The following TGFBR2 variants were observed in gnomAD, a reference collection of about 807,000 sequenced individuals.
TGFBR2 encodes the protein transforming growth factor beta receptor 2.
A neutral mutation model predicts 49.0 loss-of-function variants in TGFBR2; 18 were observed. The observed-to-expected ratio is 0.37, with a 90% CI of 0.25 to 0.54. The LOEUF (loss-of-function observed/expected upper bound fraction) is 0.54, where lower values mean the gene tolerates loss of function less well. Among genes scored for constraint, TGFBR2 ranks in the 20% least tolerant of loss-of-function variants. The pLI, the probability that TGFBR2 is intolerant of heterozygous loss-of-function variation, is 0.85. For missense variants in TGFBR2, 525 were observed against 722.6 expected (o/e 0.73, Z 3.13); for synonymous variants, 282 against 275.9 (o/e 1.02, Z -0.22).
chr3:30,611,099 A>G (rs1238177094), intron 1 of TGFBR2, among the ~76,000 whole-genome samples: 1 of 152,226 alleles, frequency 6.6e-6, no homozygotes, highest in Non-Finnish European at 1.5e-5. Context: ...ATACCAAGCC[A>G]AAGTCATATC....
At position 30,644,862 on chromosome 3, in the gene TGFBR2, C is replaced by A. The variant is rs1405785027; in HGVS notation, c.210C>A (p.Asn70Lys). ...ACAACCAGAAATCCTGCATGAGCAA[C>A]TGCAGCATCACCTCCATCTGTGAGA... ...TCDNQKSCMS[N>K]CSITSICEKP... Residue 70 changes from asparagine to lysine, a missense_variant, in exon 2 of 7, where the codon AAC (asparagine) becomes AAA (lysine). Asn to Lys is a moderately conservative substitution (Grantham distance 94). Transcript: ENST00000295754. 1 of 1,614,166 alleles carries A rather than the reference C, an allele frequency of 6.2e-7. No homozygotes were observed. Among genetic ancestry groups the A allele is most frequent in the South Asian group, 1.1e-5 (1 of 91,090 alleles).
intron 3 of TGFBR2, among the ~76,000 whole-genome samples, chr3:30,655,815 T>G (rs1303655579): frequency 6.6e-6 from 1 of 152,196 alleles, no homozygotes; most frequent in African/African-American, 2.4e-5. Context: ...GCATCCTTTC[T>G]TACTTCTTCT....
chr3:30,622,994 A>G (rs1460834251), intron 1 of TGFBR2, among the ~76,000 whole-genome samples: 2 of 152,078 alleles, frequency 1.3e-5, no homozygotes, highest in East Asian at 3.8e-4. Context: ...TATGATTGAG[A>G]CATATGGGTG....
chr3:30,644,100 A>G (rs913539109), intron 1 of TGFBR2, among the ~76,000 whole-genome samples: 1 of 152,210 alleles, frequency 6.6e-6, no homozygotes, highest in African/African-American at 2.4e-5. Flanking sequence ...TTAGTTAATC[A>G]ATTGATTTGC....
chr3:30,635,156 G>A (rs1436219704), intron 1 of TGFBR2, among the ~76,000 whole-genome samples: 1 of 152,210 alleles, frequency 6.6e-6, no homozygotes, highest in Non-Finnish European at 1.5e-5. Flanking sequence ...AGAGCTGAAA[G>A]AGCATGATTG....
At chr3:30,617,225 G>A (rs6798904) in intron 1 of TGFBR2, among the ~76,000 whole-genome samples, 32,483 of 152,166 alleles carry the variant, frequency 0.21, 4,509 homozygotes, top group Admixed American at 0.33. Context: ...TTTTAGGCAG[G>A]GGAGTAGCTG....
chr3:30,631,330 G>A (rs1203358521), intron 1 of TGFBR2, among the ~76,000 whole-genome samples: 4 of 152,082 alleles, frequency 2.6e-5, no homozygotes, highest in Non-Finnish European at 4.4e-5. Flanking sequence ...GTGAGCCACC[G>A]TGCCAGGCCG....
chr3:30,672,117 G>A lies in TGFBR2; in HGVS notation c.934G>A (p.Glu312Lys), dbSNP rs397516841. 2 of 1,614,212 alleles carry A rather than the reference G, an allele frequency of 1.2e-6. No homozygotes were observed. Among genetic ancestry groups the A allele is most frequent in the South Asian group, 1.1e-5 (1 of 91,086 alleles). ...ENILQFLTAE[E>K]RKTELGKQYW... is the part of the protein sequence containing the mutation. ...CATACTCCAGTTCCTGACGGCTGAGGAGCGGAAGACGGAGTTGGGGAAACA... is the reference window on the plus strand; with the variant it reads ...CATACTCCAGTTCCTGACGGCTGAGAAGCGGAAGACGGAGTTGGGGAAACA... The change falls in exon 4 of 7, where the codon GAG becomes AAG. Residue 312 changes from glutamate (E) to lysine (K), a missense_variant. By Grantham distance (56) the Glu-to-Lys change is moderately conservative. Transcript: ENST00000295754. The surrounding 1 kb of genome is among the most constrained non-coding windows in gnomAD (Gnocchi z 4.5).
chr3:30,632,355 C>A (rs561290724), intron 1 of TGFBR2, among the ~76,000 whole-genome samples: 1 of 152,190 alleles, frequency 6.6e-6, no homozygotes, highest in African/African-American at 2.4e-5. Context: ...ACTGGATTCT[C>A]AAGTTACTGC....
At chr3:30,648,352 G>A (rs1698807272) in intron 2 of TGFBR2, among the ~76,000 whole-genome samples, 1 of 150,052 alleles carries the variant, frequency 6.7e-6, no homozygotes, top group South Asian at 2.1e-4. Flanking sequence ...GCGTCACAAG[G>A]AAAAGAGACC....
intron 1 of TGFBR2, among the ~76,000 whole-genome samples, chr3:30,618,184 C>T (rs1016271233): frequency 6.6e-6 from 1 of 151,846 alleles, no homozygotes; most frequent in Non-Finnish European, 1.5e-5. Context: ...CATCCCTTGA[C>T]CATGGTGAAC....
chr3:30,620,037 A>G (rs1055434309), intron 1 of TGFBR2, among the ~76,000 whole-genome samples: 6 of 152,162 alleles, frequency 3.9e-5, no homozygotes, highest in African/African-American at 1.4e-4. Flanking sequence ...AGTACAAAAA[A>G]TTAGCTGGGC....
At chr3:30,612,853 G>T (rs559607030) in intron 1 of TGFBR2, among the ~76,000 whole-genome samples, 3 of 152,110 alleles carry the variant, frequency 2.0e-5, no homozygotes, top group Non-Finnish European at 4.4e-5. Flanking sequence ...CTTATAGGAG[G>T]TTAAGATTCT....
At chr3:30,685,931 T>A (rs141833351) in intron 5 of TGFBR2, among the ~76,000 whole-genome samples, 308 of 152,302 alleles carry the variant, frequency 2.0e-3, no homozygotes, top group African/African-American at 6.7e-3. Context: ...TTATATCATA[T>A]ACAAATCCTA....
At chr3:30,642,356 C>T (rs1698662279) in intron 1 of TGFBR2, among the ~76,000 whole-genome samples, 1 of 152,018 alleles carries the variant, frequency 6.6e-6, no homozygotes, top group South Asian at 2.1e-4. Flanking sequence ...GTGTTTTTTC[C>T]AACTAACTAT....
chr3:30,656,685 T>A (rs1699006577), intron 3 of TGFBR2, among the ~76,000 whole-genome samples: 1 of 152,208 alleles, frequency 6.6e-6, no homozygotes, highest in South Asian at 2.1e-4. Context: ...GACTGGATCT[T>A]GGCCATCTTG....
chr3:30,622,905 A>G (rs1427195646), intron 1 of TGFBR2, among the ~76,000 whole-genome samples: 4 of 136,764 alleles, frequency 2.9e-5, no homozygotes, highest in African/African-American at 8.1e-5. Context: ...AAAAAAAAAA[A>G]AGAGAAAGGA....
At chr3:30,627,917 G>A (rs1698363103) in intron 1 of TGFBR2, among the ~76,000 whole-genome samples, 2 of 152,040 alleles carry the variant, frequency 1.3e-5, no homozygotes, top group African/African-American at 4.8e-5. Flanking sequence ...GTCCCAAAGA[G>A]GTCCGTTCAG....
chr3:30,628,353 T>G (rs1698373331), intron 1 of TGFBR2, among the ~76,000 whole-genome samples: 1 of 152,050 alleles, frequency 6.6e-6, no homozygotes, highest in Admixed American at 6.6e-5. Context: ...TCAGTATTTA[T>G]CAGAAGAACC....
Sources: gnomAD v4.1 joint callset for allele counts (sites outside exome capture counted in the v4.1 genomes callset) on GRCh38, gnomAD v4.1.1 for gene constraint, Gnocchi (gnomAD v3.1) non-coding constraint, MANE v1.5 for transcripts, NCBI Gene and HGNC (gene_info 2026-07-23, HGNC 2026-07-21) for gene names.